Variants in ACOX1 observed in about 807,000 individuals in gnomAD.
The protein encoded by ACOX1 is acyl-CoA oxidase 1.
Under a neutral mutation model 75.5 loss-of-function variants are expected in ACOX1, and 41 were observed. The observed-to-expected ratio is 0.54, with a 90% CI of 0.42 to 0.70. The LOEUF (loss-of-function observed/expected upper bound fraction) is 0.70. ACOX1 is among the 30% of genes least tolerant of loss of function. The probability of loss-of-function intolerance (pLI) is 0.00; values close to 1 mark genes in which losing one functional copy is unlikely to be tolerated. For synonymous variants in ACOX1, 303 were observed against 298.8 expected, an observed-to-expected ratio of 1.01 and a Z score of -0.15; for missense variants, 630 against 837.5, an observed-to-expected ratio of 0.75 and a Z score of 3.06.
Position 75,978,965 on chromosome 17 carries a change from C to A in ACOX1, c.109G>T (p.Glu37Ter). ...GGGAGGTCTCGCCCGCCGCCCTCAC[C>A]GATCTCTCGGCGGCGCCGGGTTTTC... is the stretch of plus-strand genomic sequence containing the variant. ...PEKTRRRREI[E>*]NMILNDPDFQ... Residue 37 changes from glutamate to a stop codon, truncating the protein, a stop_gained and splice_region_variant, in exon 1 of 14, where the codon GAG becomes TAG. Transcript: ENST00000293217. LOFTEE classifies it high-confidence loss of function. The surrounding 1 kb of genome is among the most constrained non-coding windows in gnomAD (Gnocchi z 4.2). 1 of 1,609,968 alleles carries A rather than the reference C, an allele frequency of 6.2e-7. No homozygotes were observed.
intron 2 of ACOX1, among the ~76,000 whole-genome samples, chr17:75,976,263 C>T (rs1002710459): frequency 1.3e-5 from 2 of 152,126 alleles, no homozygotes; most frequent in Non-Finnish European, 1.5e-5. Context: ...AAACAACTTC[C>T]CGGTGTCCAT....
In ACOX1 at chr17:75,969,177, ATTTT is replaced by A. The variant is rs1253369681; in HGVS notation, c.270-8806_270-8803del. On this transcript the variant is annotated intron_variant, in intron 2 of 13. Transcript: ENST00000293217. ...GTCTTATTTATTTATTTATTTATTT[ATTTT>A]TTGAGACGGAGTCTCACTGTTGTTA... is the stretch of plus-strand genomic sequence containing the variant. Among the ~76,000 whole-genome samples, 3 of 152,108 alleles carry A rather than the reference ATTTT, an allele frequency of 2.0e-5. No individual in the cohort carries two copies. In the East Asian group the frequency reaches 5.8e-4, roughly 29 times the overall value.
chr17:75,951,302 A>C (rs1598176166), intron 8 of ACOX1, 113 bp downstream of exon 8: 1 of 1,349,766 alleles, frequency 7.4e-7, no homozygotes. Context: ...AGAAGTTCTC[A>C]GAATACATAC....
At chr17:75,975,568 G>T (rs1243753634) in intron 2 of ACOX1, among the ~76,000 whole-genome samples, 1 of 152,200 alleles carries the variant, frequency 6.6e-6, no homozygotes, top group East Asian at 1.9e-4. Flanking sequence ...ATGAATTAAT[G>T]TAATCATTAT....
chr17:75,954,286 C>T (rs1286640158), intron 6 of ACOX1, among the ~76,000 whole-genome samples: 8 of 149,224 alleles, frequency 5.4e-5, no homozygotes, highest in South Asian at 2.1e-4. Context: ...TTTGGGAGGC[C>T]GAGGCAAGAG....
Position 75,946,425 on chromosome 17 carries a change from T to C in ACOX1, c.*323A>G, listed in dbSNP as rs764108161. On this transcript the variant is annotated 3_prime_UTR_variant, in exon 14 of 14. Transcript: ENST00000293217. ...GTGATTAGCAATTAAAATGTGAAAA[T>C]AATCAACTACTCAGTAGTTAAATTC... 1.7e-4 allele frequency: 62 copies of C among 365,494 alleles called. No individual in the cohort carries two copies. The Admixed American group carries it at 2.4e-3, about 14-fold the overall frequency. The allele number at this position is 365,494 out of a possible 1,614,324, so 22.6% of individuals were successfully genotyped here. A position where few individuals can be genotyped will look rare whatever the true frequency, so the allele number is the denominator to read the frequency against.
At chr17:75,971,373 A>T (rs1185744332) in intron 2 of ACOX1, among the ~76,000 whole-genome samples, 2 of 152,018 alleles carry the variant, frequency 1.3e-5, no homozygotes, top group Non-Finnish European at 2.9e-5. Flanking sequence ...CCACAGCCAT[A>T]TAGGATCTCT....
rs750610720 is a variant in ACOX1, at chr17:75,953,486, G to A, written c.909C>T (p.Tyr303=). The change falls in exon 7 of 14, where the codon TAC becomes TAT. Residue 303 remains tyrosine, a synonymous_variant. Transcript: ENST00000293217. The part of the protein sequence containing the change: ...LSKACTIAIR[Y]SAVRHQSEIK... ...TTTCAGACTGGTGCCTCACAGCGCT[G>A]TATCGGATGGCAATGGTGCACGCCT... The A allele has an allele frequency of 1.2e-6, 2 of 1,613,946 alleles. No individual in the cohort carries two copies. The highest frequency in any genetic ancestry group is 1.3e-5 in the African/African-American group (1 of 74,914).
At chr17:75,975,343 G>T (rs1352901406) in intron 2 of ACOX1, among the ~76,000 whole-genome samples, 2 of 151,944 alleles carry the variant, frequency 1.3e-5, no homozygotes, top group East Asian at 3.9e-4. Context: ...TTTTAGTAGA[G>T]AAGGCGTTTT....
At chr17:75,954,453 G>GCGGA (rs1412587413) in intron 6 of ACOX1, among the ~76,000 whole-genome samples, 2 of 148,022 alleles carry the variant, frequency 1.4e-5, no homozygotes, top group Admixed American at 6.7e-5. Flanking sequence ...AACCCAGGAG[G>GCGGA]CGGAGGTTGC....
chr17:75,958,672 G>C (rs1271423078), intron 3 of ACOX1, among the ~76,000 whole-genome samples: 1 of 151,990 alleles, frequency 6.6e-6, no homozygotes, highest in Non-Finnish European at 1.5e-5. Flanking sequence ...GCTGGGCATG[G>C]TGGTGGGTGC....
At position 75,955,562 on chromosome 17, in the gene ACOX1, A is replaced by G. The variant is rs1444936002; in HGVS notation, c.774+4T>C. On this transcript the variant is annotated splice_donor_region_variant and intron_variant, in intron 6 of 13. Coordinates refer to ENST00000293217, the MANE Select transcript of ACOX1 (RefSeq NM_004035.7). ...CCTCTGCTTTATTTTCTATCAAAAC[A>G]TACCTGGGCATACTTCATCAGCATG... 2.5e-6 allele frequency: 4 copies of G among 1,612,242 alleles called. No individual in the cohort carries two copies. The highest frequency in any genetic ancestry group is 2.7e-5 in the African/African-American group (2 of 74,902).
At chr17:75,951,604 G>C (rs1443420326) in intron 7 of ACOX1, 27 bp from the exon 8 acceptor site, 2 of 1,612,228 alleles carry the variant, frequency 1.2e-6, no homozygotes, top group Non-Finnish European at 1.7e-6. Context: ...AAGAAAAAAA[G>C]TAGTAAGTAA....
Position 75,951,439 on chromosome 17 carries a change from T to A in ACOX1, c.1083A>T (p.Gln361His), listed in dbSNP as rs370762803. Residue 361 changes from glutamine to histidine, a missense_variant, in exon 8 of 14, where the codon CAA (glutamine) becomes CAT (histidine). By Grantham distance (24) the Gln-to-His change is conservative (BLOSUM62 0). Coordinates refer to ENST00000293217, the MANE Select transcript of ACOX1 (RefSeq NM_004035.7). ...CCTCAGGCAGTTCACTCAGGTCCCC[T>A]TGACCAATGCCTTCGTTAATCCGGT... ...TYHRINEGIGQGDLSELPELH... is the reference protein window; with the variant it reads ...TYHRINEGIGHGDLSELPELH... 10 of 1,614,038 alleles carry A rather than the reference T, an allele frequency of 6.2e-6. No individual in the cohort carries two copies. The highest frequency in any genetic ancestry group is 1.3e-5 in the African/African-American group (1 of 74,926).
chr17:75,978,701 G>A lies in ACOX1; in HGVS notation c.110-8C>T. 1 of 1,613,560 alleles carries A rather than the reference G, an allele frequency of 6.2e-7. No homozygotes were observed. The highest frequency in any genetic ancestry group is 1.1e-5 in the South Asian group (1 of 91,050). ...CGTTCAGGATCATGTTCTCTGAAAGGGGGTTAAAGGGCATTAAAAGGCAGA... is the reference window on the plus strand; with the variant it reads ...CGTTCAGGATCATGTTCTCTGAAAGAGGGTTAAAGGGCATTAAAAGGCAGA... On this transcript the variant is annotated splice_polypyrimidine_tract_variant and splice_region_variant and intron_variant, in intron 1 of 13. Coordinates refer to ENST00000293217, the MANE Select transcript of ACOX1 (RefSeq NM_004035.7). This position sits in a 1 kb window ranked among gnomAD's most constrained non-coding sequence, Gnocchi z 4.2.
Position 75,949,229 on chromosome 17 carries a change from C to T in ACOX1, c.1716G>A (p.Gly572=). The change falls in exon 12 of 14, where the codon GGG becomes GGA. Residue 572 remains glycine (G), a synonymous_variant. Transcript: ENST00000293217. ...AGAAAATACTGACCTGAAGGAAATCCCCCGCGTTCTGACTGATTCCATACA... is the reference window on the plus strand; with the variant it reads ...AGAAAATACTGACCTGAAGGAAATCTCCCGCGTTCTGACTGATTCCATACA... ...YSLYGISQNA[G]DFLQGSIMTE... 1 of 1,614,154 alleles carries T rather than the reference C, an allele frequency of 6.2e-7. No homozygotes were observed. Among genetic ancestry groups the T allele is most frequent in the Non-Finnish European group, 8.5e-7 (1 of 1,180,034 alleles).
chr17:75,946,876 GTTTT>G, intron 13 of ACOX1, 81 bp from the exon 14 acceptor site: 1 of 1,202,674 alleles, frequency 8.3e-7, no homozygotes, highest in Non-Finnish European at 1.2e-6. Context: ...TTTTGTTTTT[GTTTT>G]TTTTTTGAGA....
chr17:75,960,473 C>T lies in ACOX1; in HGVS notation c.270-98G>A. ...GAGCAAGGGAAGGAGACAAAAAAAC[C>T]TTAAGTATGAATTAGTTGCGTGCAC... is the stretch of plus-strand genomic sequence containing the variant. On this transcript the variant is annotated intron_variant, in intron 2 of 13. Coordinates refer to ENST00000293217, the MANE Select transcript of ACOX1 (RefSeq NM_004035.7). The surrounding 1 kb of genome is among the most constrained non-coding windows in gnomAD (Gnocchi z 4.4). 7.7e-7 allele frequency: 1 copy of T among 1,299,200 alleles called. No individual in the cohort carries two copies. Among genetic ancestry groups the T allele is most frequent in the Non-Finnish European group, 1.1e-6 (1 of 925,732 alleles). The allele number at this position is 1,299,200 out of a possible 1,614,324, so 80.5% of individuals were successfully genotyped here.
Position 75,941,605 on chromosome 17 carries a change from G to A in ACOX1, c.*5143C>T, listed in dbSNP as rs2065670913. 6.6e-6 allele frequency: 1 copy of A among 152,306 alleles called. No homozygotes were observed. The highest frequency in any genetic ancestry group is 6.5e-5 in the Admixed American group (1 of 15,284). The allele number at this position is 152,306 out of a possible 1,614,324, so 9.4% of individuals were successfully genotyped here. ...GTTTTGCTTACCCGCAGTGCTGGCAGGTCACAGCTGTCCAACCATGATCCA... is the reference window on the plus strand; with the variant it reads ...GTTTTGCTTACCCGCAGTGCTGGCAAGTCACAGCTGTCCAACCATGATCCA... On this transcript the variant is annotated 3_prime_UTR_variant, in exon 14 of 14. Coordinates refer to ENST00000293217, the MANE Select transcript of ACOX1 (RefSeq NM_004035.7).
Sources: allele counts gnomAD v4.1 joint callset (sites outside exome capture counted in the v4.1 genomes callset), GRCh38; gene constraint gnomAD v4.1.1; non-coding constraint Gnocchi (gnomAD v3.1); transcripts MANE v1.5; gene names NCBI Gene and HGNC (gene_info 2026-07-23, HGNC 2026-07-21).